The following UNC93A variants were observed in gnomAD, a reference collection of about 807,000 sequenced individuals.
The protein encoded by UNC93A is N-acetylglucosamine transporter UNC93A.
UNC93A carries 43 observed loss-of-function variants against 47.5 expected under a neutral mutation model. The ratio of observed to expected loss-of-function variants is 0.91; its 90% CI spans 0.71 to 1.17. UNC93A has a LOEUF of 1.17. Among genes scored for constraint, UNC93A ranks in the 50% most tolerant of loss-of-function variants. The pLI is 0.00. For missense variants in UNC93A, 605 were observed against 577.6 expected (o/e 1.05, Z -0.49); for synonymous variants, 280 against 258.0 (o/e 1.09, Z -0.82).
intron 1 of UNC93A, among the ~76,000 whole-genome samples, chr6:167,281,858 C>G (rs887566218): frequency 6.6e-6 from 1 of 152,112 alleles, no homozygotes; most frequent in African/African-American, 2.4e-5. Context: ...TCAGGCTCAC[C>G]CCTTGACTTT....
chr6:167,274,427 G>C (rs1336651342), intron 1 of UNC93A, among the ~76,000 whole-genome samples: 1 of 152,186 alleles, frequency 6.6e-6, no homozygotes, highest in African/African-American at 2.4e-5. Flanking sequence ...ATACAGCTGG[G>C]ATGGTTATTT....
At chr6:167,305,509 C>A (rs1187266465) in intron 5 of UNC93A, among the ~76,000 whole-genome samples, 1 of 152,004 alleles carries the variant, frequency 6.6e-6, no homozygotes. Context: ...TGCTCTGAGG[C>A]CCCGGAAGAG....
At chr6:167,273,725 C>T (rs1295903206) in intron 1 of UNC93A, among the ~76,000 whole-genome samples, 4 of 152,026 alleles carry the variant, frequency 2.6e-5, no homozygotes, top group African/African-American at 4.8e-5. Context: ...TCAGTTCAGA[C>T]GGGAAAGGTG....
At chr6:167,283,643 T>G (rs1367121122) in intron 1 of UNC93A, among the ~76,000 whole-genome samples, 1 of 152,204 alleles carries the variant, frequency 6.6e-6, no homozygotes, top group Admixed American at 6.5e-5. Flanking sequence ...TCCCCCGCGT[T>G]GCCTGCCAGC....
Position 167,315,303 on chromosome 6 carries a change from G to A in UNC93A, c.1225G>A (p.Val409Ile), listed in dbSNP as rs7739897. 0.076 allele frequency: 121,020 copies of A among 1,601,746 alleles called. 2,685 individuals carry two copies. Among genetic ancestry groups the A allele is most frequent in the African/African-American group, 0.18 (13,571 of 74,646 alleles). ...FGYSMFLCVH[V>I]KLYILLGVLS... ...GTACAGCATGTTTTTGTGCGTGCAC[G>A]TCAAGCTCTACATTCTGCTGGGGGT... is the stretch of plus-strand genomic sequence containing the variant. Residue 409 changes from valine to isoleucine, a missense_variant, in exon 8 of 8, where the codon GTC becomes ATC. Val to Ile is a conservative substitution (Grantham distance 29, BLOSUM62 3). Coordinates refer to ENST00000230256, the MANE Select transcript of UNC93A (RefSeq NM_018974.4).
intron 1 of UNC93A, among the ~76,000 whole-genome samples, chr6:167,275,575 A>G (rs1042952744): frequency 2.0e-5 from 3 of 152,200 alleles, no homozygotes; most frequent in African/African-American, 7.2e-5. Context: ...CTGCACAGAC[A>G]CAGTGCGTGT....
chr6:167,278,068 TA>T (rs1459047882), intron 1 of UNC93A, among the ~76,000 whole-genome samples: 2 of 152,144 alleles, frequency 1.3e-5, no homozygotes, highest in African/African-American at 2.4e-5. Flanking sequence ...CAAATAGGTT[TA>T]AAATTAGAGC....
At chr6:167,295,953 G>A (rs1352736152) in intron 2 of UNC93A, 79 bp from the exon 3 acceptor site, 5 of 1,369,700 alleles carry the variant, frequency 3.7e-6, no homozygotes, top group East Asian at 4.7e-5. Flanking sequence ...CTCCCAGATT[G>A]ACTAAAGAAC....
intron 4 of UNC93A, among the ~76,000 whole-genome samples, chr6:167,299,336 G>T (rs867701645): frequency 1.3e-5 from 2 of 152,036 alleles, no homozygotes; most frequent in African/African-American, 4.8e-5. Context: ...ACTCTGCCGG[G>T]GTCAGAGGTG....
upstream of UNC93A, among the ~76,000 whole-genome samples, chr6:167,288,117 A>AT (rs1229795400): frequency 6.6e-6 from 1 of 152,156 alleles, no homozygotes; most frequent in Non-Finnish European, 1.5e-5. Flanking sequence ...GGATTCACAA[A>AT]TGGTGTGAGG....
intron 6 of UNC93A, 142 bp downstream of exon 6, chr6:167,306,192 T>C: frequency 8.4e-7 from 1 of 1,188,062 alleles, no homozygotes; most frequent in Non-Finnish European, 1.2e-6. Flanking sequence ...GCATTCATTC[T>C]TTCAGTCCTT....
At chr6:167,287,800 A>T (rs975500938), upstream of UNC93A, among the ~76,000 whole-genome samples, 4 of 151,972 alleles carry the variant, frequency 2.6e-5, no homozygotes, top group Admixed American at 1.3e-4. Context: ...GACCTACACG[A>T]TCCCCCTGAC....
chr6:167,294,838 C>T (rs1189380175), intron 2 of UNC93A, 140 bp downstream of exon 2: 4 of 933,848 alleles, frequency 4.3e-6, no homozygotes, highest in Non-Finnish European at 6.2e-6. Context: ...CCCCTGCACC[C>T]CCGCCTCGCT....
Position 167,305,215 on chromosome 6 carries a change from A to T in UNC93A, c.841-700A>T, listed in dbSNP as rs186972432. ...GTCTCTCCAGGAGTATGCCCAGGCC[A>T]TAGTGGGTGTCCTCAACTTTATCTG... On this transcript the variant is annotated intron_variant, in intron 5 of 7. Coordinates refer to ENST00000230256, the MANE Select transcript of UNC93A (RefSeq NM_018974.4). Among the ~76,000 whole-genome samples the T allele has an allele frequency of 2.0e-5, 3 of 152,370 alleles. No individual in the cohort carries two copies. The East Asian group carries it at 5.8e-4, about 29-fold the overall frequency.
chr6:167,294,395 C>T, intron 1 of UNC93A, 122 bp from the exon 2 acceptor site: 2 of 1,183,694 alleles, frequency 1.7e-6, no homozygotes, highest in South Asian at 2.9e-5. Flanking sequence ...GGCAGCAAGC[C>T]TGTGGCTGGC....
chr6:167,283,420 C>T (rs1490978221), intron 1 of UNC93A, among the ~76,000 whole-genome samples: 4 of 152,108 alleles, frequency 2.6e-5, no homozygotes, highest in African/African-American at 7.2e-5. Context: ...GCCTTCCCAT[C>T]GTGGCCTGAA....
chr6:167,289,144 G>C (rs1204706740), upstream of UNC93A, among the ~76,000 whole-genome samples: 1 of 152,300 alleles, frequency 6.6e-6, no homozygotes, highest in African/African-American at 2.4e-5. Context: ...AGCCAAGCCA[G>C]CTCTGGGTTT....
At position 167,305,939 on chromosome 6, in the gene UNC93A, A is replaced by T; in HGVS notation, c.865A>T (p.Ile289Phe). The T allele has an allele frequency of 6.2e-7, 1 of 1,614,148 alleles. No individual in the cohort carries two copies. The highest frequency in any genetic ancestry group is 8.5e-7 in the Non-Finnish European group (1 of 1,180,026). Residue 289 changes from isoleucine to phenylalanine, a missense_variant, in exon 6 of 8, where the codon ATC becomes TTC. By Grantham distance (21) the Ile-to-Phe change is conservative. Coordinates refer to ENST00000230256, the MANE Select transcript of UNC93A (RefSeq NM_018974.4). ...TRSYVTCTLG[I>F]QFVGYVMICF... ...GTCCTATGTCACCTGCACCCTGGGC[A>T]TCCAGTTCGTCGGCTACGTGATGAT...
intron 4 of UNC93A, 42 bp from the exon 5 acceptor site, chr6:167,303,877 T>A: frequency 3.7e-6 from 6 of 1,605,412 alleles, no homozygotes; most frequent in Non-Finnish European, 5.1e-6. Context: ...ACCCTGCCTC[T>A]GGGCCCCCAT....
Sources: gnomAD v4.1 joint callset for allele counts (sites outside exome capture counted in the v4.1 genomes callset) on GRCh38, gnomAD v4.1.1 for gene constraint, MANE v1.5 for transcripts, NCBI Gene and HGNC (gene_info 2026-07-23, HGNC 2026-07-21) for gene names.